The following ADAMTS17 variants were observed in gnomAD, a reference collection of about 807,000 sequenced individuals.
The protein encoded by ADAMTS17 is ADAM metallopeptidase with thrombospondin type 1 motif 17.
ADAMTS17 carries 113 observed loss-of-function variants against 141.5 expected under a neutral mutation model. The ratio of observed to expected loss-of-function variants is 0.80; its 90% CI spans 0.69 to 0.93. ADAMTS17 has a LOEUF of 0.93. Among genes scored for constraint, ADAMTS17 ranks in the 40% least tolerant of loss-of-function variants. The probability of loss-of-function intolerance (pLI) is 0.00; values close to 1 mark genes in which losing one functional copy is unlikely to be tolerated. For synonymous variants in ADAMTS17, 768 were observed against 630.6 expected (o/e 1.22, Z -3.27); for missense variants, 1,659 against 1,517.9 (o/e 1.09, Z -1.54).
At chr15:100,256,178 G>A (rs1045333476) in intron 6 of ADAMTS17, among the ~76,000 whole-genome samples, 7 of 152,188 alleles carry the variant, frequency 4.6e-5, no homozygotes, top group African/African-American at 1.4e-4. Context: ...GGCAGGGACT[G>A]TAGGGTTCAC....
At chr15:100,337,796 G>A (rs1007805665) in intron 2 of ADAMTS17, among the ~76,000 whole-genome samples, 1 of 152,340 alleles carries the variant, frequency 6.6e-6, no homozygotes. Context: ...CTTCAGACAA[G>A]CTGCAAAGAT....
At chr15:100,207,442 T>TC (rs2041618583) in intron 7 of ADAMTS17, among the ~76,000 whole-genome samples, 1 of 152,032 alleles carries the variant, frequency 6.6e-6, no homozygotes, top group Non-Finnish European at 1.5e-5. Flanking sequence ...GCACCCTGGG[T>TC]CCCCTTGCTC....
Position 100,100,810 on chromosome 15 carries a change from G to A in ADAMTS17, c.2017-4334C>T, listed in dbSNP as rs754532966. The stretch of plus-strand genomic sequence containing the variant: ...AAGATCCCCACTGCCTATCAGAAAC[G>A]TCCGCACATATGAATTTAAGACCCT... On this transcript the variant is annotated intron_variant, in intron 14 of 21. Transcript: ENST00000268070. 5.3e-5 allele frequency among the ~76,000 whole-genome samples: 8 copies of A among 152,034 alleles called. No individual in the cohort carries two copies. In the East Asian group the frequency reaches 9.6e-4, roughly 18 times the overall value.
Position 100,110,232 on chromosome 15 carries a change from T to A in ADAMTS17, c.1889-1116A>T, listed in dbSNP as rs60077671. ...GTATATATATATTTTTATATATTTA[T>A]ATAAATATATATATATATAAATACA... On this transcript the variant is annotated intron_variant, in intron 13 of 21. Coordinates refer to ENST00000268070, the MANE Select transcript of ADAMTS17 (RefSeq NM_139057.4). Among the ~76,000 whole-genome samples, 689 of 78,826 alleles carry A rather than the reference T, an allele frequency of 8.7e-3. 6 individuals carry two copies. The highest frequency in any genetic ancestry group is 0.023 in the African/African-American group (634 of 28,034). 51.7% of individuals were successfully genotyped at this position (78,826 alleles called of 152,430 possible).
Position 100,208,563 on chromosome 15 carries a change from G to A in ADAMTS17, c.1076-9140C>T, listed in dbSNP as rs575425862. 1.2e-3 allele frequency among the ~76,000 whole-genome samples: 183 copies of A among 152,268 alleles called. No individual in the cohort carries two copies. In the South Asian group the frequency reaches 0.018, roughly 15 times the overall value. On this transcript the variant is annotated intron_variant, in intron 7 of 21. Transcript: ENST00000268070. ...CCCAGAGGGACTAGTGACCAGAAGG[G>A]GCATGAAGAGGCCCTGCCCGGGGGC...
chr15:100,025,221 G>C (rs935653237), intron 18 of ADAMTS17, among the ~76,000 whole-genome samples: 1 of 152,062 alleles, frequency 6.6e-6, no homozygotes, highest in African/African-American at 2.4e-5. Flanking sequence ...CACATTTAAT[G>C]CTTTTTGGCT....
chr15:100,063,634 CG>C, intron 15 of ADAMTS17: 3 of 1,285,138 alleles, frequency 2.3e-6, no homozygotes, highest in Non-Finnish European at 3.0e-6. Context: ...TCATCAAAAT[CG>C]ATTCTCAACA....
In ADAMTS17 at chr15:99,976,239, G is replaced by A; in HGVS notation, c.2950-17C>T. On this transcript the variant is annotated splice_polypyrimidine_tract_variant and intron_variant, in intron 20 of 21. Transcript: ENST00000268070. ...CGACGAGCACTGCAGAGACAGGACAGCCTGAGTGGGGCTGACATGAGGTCA... is the reference window on the plus strand; with the variant it reads ...CGACGAGCACTGCAGAGACAGGACAACCTGAGTGGGGCTGACATGAGGTCA... 4 of 1,540,992 alleles carry A rather than the reference G, an allele frequency of 2.6e-6. No individual in the cohort carries two copies. The South Asian group carries it at 4.8e-5, about 18-fold the overall frequency.
intron 18 of ADAMTS17, among the ~76,000 whole-genome samples, chr15:100,000,729 T>C (rs928839990): frequency 6.6e-6 from 1 of 152,054 alleles, no homozygotes; most frequent in Non-Finnish European, 1.5e-5. Context: ...GTCAGGCTGG[T>C]CTCGAACTCC....
intron 13 of ADAMTS17, among the ~76,000 whole-genome samples, chr15:100,111,995 A>G (rs1211387189): frequency 6.6e-6 from 1 of 152,248 alleles, no homozygotes; most frequent in Admixed American, 6.5e-5. Context: ...TGGCATTGCT[A>G]AAAACAAACC....
intron 20 of ADAMTS17, among the ~76,000 whole-genome samples, chr15:99,986,460 G>A (rs891212184): frequency 1.4e-4 from 22 of 152,256 alleles, no homozygotes; most frequent in African/African-American, 5.3e-4. Flanking sequence ...TGATTCGAAA[G>A]GCCTCTGAGG....
chr15:100,156,539 G>A (rs548807810), intron 8 of ADAMTS17, among the ~76,000 whole-genome samples: 2 of 152,254 alleles, frequency 1.3e-5, no homozygotes, highest in African/African-American at 2.4e-5. Context: ...GTGGAGGGGG[G>A]GCATCCTTAC....
At chr15:100,163,004 ATG>A (rs1279925238) in intron 8 of ADAMTS17, among the ~76,000 whole-genome samples, 3 of 141,304 alleles carry the variant, frequency 2.1e-5, no homozygotes, top group East Asian at 5.9e-4. Context: ...ATATGTATAT[ATG>A]TGTATATATA....
chr15:100,159,114 T>C (rs113596181), intron 8 of ADAMTS17, among the ~76,000 whole-genome samples: 21 of 152,212 alleles, frequency 1.4e-4, no homozygotes, highest in African/African-American at 4.8e-4. Context: ...AACAATTCTA[T>C]TTCAAAATAT....
chr15:100,023,154 G>A (rs538791211), intron 18 of ADAMTS17, among the ~76,000 whole-genome samples: 6 of 152,206 alleles, frequency 3.9e-5, no homozygotes, highest in African/African-American at 1.4e-4. Flanking sequence ...ACCAAGTTGT[G>A]TGATGTTTTC....
chr15:100,270,088 A>G (rs2043851827), intron 4 of ADAMTS17, among the ~76,000 whole-genome samples: 2 of 152,158 alleles, frequency 1.3e-5, no homozygotes, highest in Admixed American at 1.3e-4. Flanking sequence ...AAAACGGCCA[A>G]GGTGGATCTG....
intron 12 of ADAMTS17, among the ~76,000 whole-genome samples, chr15:100,119,797 C>T (rs1259547335): frequency 6.6e-6 from 1 of 152,230 alleles, no homozygotes. Context: ...TGTGTGGCCC[C>T]TTATCTAGCT....
At chr15:100,208,632 C>T (rs536634996) in intron 7 of ADAMTS17, among the ~76,000 whole-genome samples, 7 of 152,220 alleles carry the variant, frequency 4.6e-5, no homozygotes, top group Non-Finnish European at 8.8e-5. Flanking sequence ...TTCATCATTA[C>T]ACAAAGCTCA....
intron 20 of ADAMTS17, 51 bp downstream of exon 20, chr15:99,992,997 C>G: frequency 1.2e-6 from 2 of 1,611,622 alleles, no homozygotes; most frequent in Middle Eastern, 1.7e-4. Flanking sequence ...TCCCGACCCT[C>G]GAGCCCCCTG....
Sources: allele counts gnomAD v4.1 joint callset (sites outside exome capture counted in the v4.1 genomes callset), GRCh38; gene constraint gnomAD v4.1.1; transcripts MANE v1.5; gene names NCBI Gene and HGNC (gene_info 2026-07-23, HGNC 2026-07-21).